MOBP: variants seen among roughly 807,000 people sequenced by gnomAD.
MOBP encodes myelin associated oligodendrocyte basic protein.
Under a neutral mutation model 15.0 loss-of-function variants are expected in MOBP, and 5 were observed. That is an observed-to-expected ratio of 0.33 (90% CI 0.17 to 0.70). The LOEUF (loss-of-function observed/expected upper bound fraction) is 0.70, where lower values mean the gene tolerates loss of function less well. Ranked by LOEUF, MOBP falls within the 30% of genes least tolerant of loss-of-function variation. The pLI is 0.67. For synonymous variants in MOBP, 88 were observed against 99.0 expected, an observed-to-expected ratio of 0.89 and a Z score of 0.66; for missense variants, 188 against 257.8, an observed-to-expected ratio of 0.73 and a Z score of 1.85.
chr3:39,474,354 G>T (rs1314222801), intron 1 of MOBP, among the ~76,000 whole-genome samples: 1 of 152,186 alleles, frequency 6.6e-6, no homozygotes, highest in Non-Finnish European at 1.5e-5. Context: ...ACAGTGATGT[G>T]TTGGTTAACA....
chr3:39,494,304 A>G (rs2042841880), intron 2 of MOBP, among the ~76,000 whole-genome samples: 1 of 152,200 alleles, frequency 6.6e-6, no homozygotes, highest in African/African-American at 2.4e-5. Flanking sequence ...CATATGGAAC[A>G]TACTAGGTGC....
In MOBP at chr3:39,502,002, G is replaced by C; in HGVS notation, c.-4-64G>C. 2.1e-6 allele frequency: 3 copies of C among 1,398,854 alleles called. No homozygotes were observed. The highest frequency in any genetic ancestry group is 1.7e-5 in the Admixed American group (1 of 58,032). The allele number at this position is 1,398,854 out of a possible 1,614,324, so 86.7% of individuals were successfully genotyped here. On this transcript the variant is annotated intron_variant, in intron 2 of 3. Coordinates refer to ENST00000684792, the MANE Select transcript of MOBP (RefSeq NM_001393704.1). This position sits in a 1 kb window ranked among gnomAD's most constrained non-coding sequence, Gnocchi z 6.3. ...GGAGTAGCAGGGGGCTTCCAGAGTA[G>C]AGGGCTCCCTTTCCTGATGTGCGTT...
chr3:39,524,030 A>C (rs1246287768), intron 3 of MOBP, among the ~76,000 whole-genome samples: 3 of 152,220 alleles, frequency 2.0e-5, no homozygotes, highest in African/African-American at 7.2e-5. Flanking sequence ...CTAGATGGAA[A>C]TATGTTTTCT....
chr3:39,479,857 C>T (rs1466183818), intron 1 of MOBP, among the ~76,000 whole-genome samples, 183 bp from the exon 2 acceptor site: 3 of 150,126 alleles, frequency 2.0e-5, no homozygotes, highest in Admixed American at 1.3e-4. Flanking sequence ...AAAGTTTACA[C>T]GTGATTTTGT....
chr3:39,518,959 G>A (rs987064721), downstream of MOBP, among the ~76,000 whole-genome samples: 1 of 152,264 alleles, frequency 6.6e-6, no homozygotes, highest in Admixed American at 6.5e-5. Context: ...AGCCAGGCTG[G>A]CTTCTAGGAC....
At chr3:39,479,044 G>C (rs867859862) in intron 1 of MOBP, among the ~76,000 whole-genome samples, 8 of 152,124 alleles carry the variant, frequency 5.3e-5, no homozygotes, top group Middle Eastern at 3.4e-3. Flanking sequence ...TGGTCAAGCT[G>C]GTCTCGAACT....
At chr3:39,506,429 G>C (rs999313839), downstream of MOBP, among the ~76,000 whole-genome samples, 1 of 152,036 alleles carries the variant, frequency 6.6e-6, no homozygotes, top group Non-Finnish European at 1.5e-5. Context: ...GGGGACACTG[G>C]AGGAATGTGG....
At chr3:39,528,049 T>G (rs1332236287), downstream of MOBP, 1 of 152,208 alleles carries the variant, frequency 6.6e-6, no homozygotes, top group Non-Finnish European at 1.5e-5. Flanking sequence ...TATGGCTTTT[T>G]GTGATTGTTA....
At chr3:39,519,960 T>G (rs951812763), downstream of MOBP, among the ~76,000 whole-genome samples, 3 of 65,838 alleles carry the variant, frequency 4.6e-5, no homozygotes, top group African/African-American at 1.6e-4. Flanking sequence ...ATGACATCTG[T>G]TTTTTTTTTT....
At chr3:39,483,271 G>A (rs2042653718) in intron 2 of MOBP, among the ~76,000 whole-genome samples, 2 of 152,270 alleles carry the variant, frequency 1.3e-5, no homozygotes, top group South Asian at 4.2e-4. Flanking sequence ...TAAAGATGGA[G>A]GCATAGAGAT....
chr3:39,502,042 T>A lies in MOBP; in HGVS notation c.-4-24T>A, dbSNP rs1248391125. 2 of 1,603,794 alleles carry A rather than the reference T, an allele frequency of 1.2e-6. No individual in the cohort carries two copies. Among genetic ancestry groups the A allele is most frequent in the Non-Finnish European group, 1.7e-6 (2 of 1,171,698 alleles). Reference sequence around the variant, plus strand: ...TGATGTGCGTTTATGTCTCCTCCTGTCTCCTTGCATCGGCGATTTCCAGTG... The same window carrying A: ...TGATGTGCGTTTATGTCTCCTCCTGACTCCTTGCATCGGCGATTTCCAGTG... On this transcript the variant is annotated intron_variant, in intron 2 of 3. Transcript: ENST00000684792. This position sits in a 1 kb window ranked among gnomAD's most constrained non-coding sequence, Gnocchi z 6.3.
At chr3:39,489,983 G>T (rs773148266) in intron 2 of MOBP, among the ~76,000 whole-genome samples, 2 of 152,124 alleles carry the variant, frequency 1.3e-5, no homozygotes, top group Non-Finnish European at 1.5e-5. Context: ...TAATATTTCT[G>T]TAGTTAGCTA....
chr3:39,506,518 T>C (rs1178223444), downstream of MOBP, among the ~76,000 whole-genome samples: 2 of 152,206 alleles, frequency 1.3e-5, no homozygotes, highest in African/African-American at 2.4e-5. Flanking sequence ...TCCTGGGACT[T>C]AGTCCTGCCG....
At chr3:39,472,791 T>C (rs960410616) in intron 1 of MOBP, among the ~76,000 whole-genome samples, 1 of 152,158 alleles carries the variant, frequency 6.6e-6, no homozygotes, top group African/African-American at 2.4e-5. Context: ...CCAAGCGTGG[T>C]GGTGCGTGCC....
rs573218088 is a variant in MOBP at position 39,474,889 on chromosome 3, T to G, written c.-88-5151T>G. Among the ~76,000 whole-genome samples the G allele has an allele frequency of 3.3e-5, 5 of 152,348 alleles. No individual in the cohort carries two copies. In the South Asian group the frequency reaches 1.0e-3, roughly 32 times the overall value. ...ATGCAGTGTGCCCTTTACATTGCTT[T>G]CTTTAATGTTAACATCTTACGTAAC... is the stretch of plus-strand genomic sequence containing the variant. On this transcript the variant is annotated intron_variant, in intron 1 of 3. Transcript: ENST00000684792.
intron 2 of MOBP, among the ~76,000 whole-genome samples, chr3:39,485,951 G>A (rs1004690062): frequency 6.6e-6 from 1 of 151,942 alleles, no homozygotes; most frequent in Non-Finnish European, 1.5e-5. Flanking sequence ...TTAAAAAAAT[G>A]TATAGTTTGT....
rs1394926441 is a variant in MOBP at position 39,502,468 on chromosome 3, G to A, written c.207-67G>A. The A allele has an allele frequency of 6.5e-7, 1 of 1,537,020 alleles. No individual in the cohort carries two copies. Among genetic ancestry groups the A allele is most frequent in the Non-Finnish European group, 8.7e-7 (1 of 1,147,842 alleles). On this transcript the variant is annotated intron_variant, in intron 3 of 3. Transcript: ENST00000684792. The surrounding 1 kb of genome is among the most constrained non-coding windows in gnomAD (Gnocchi z 6.3). ...GCCTTCCTACCTGTTTCCAGCTCCT[G>A]CCAGCGTCGCTTAAGCAGCAGAGGA...
At chr3:39,476,344 C>T (rs966444004) in intron 1 of MOBP, among the ~76,000 whole-genome samples, 1 of 152,144 alleles carries the variant, frequency 6.6e-6, no homozygotes, top group Non-Finnish European at 1.5e-5. Flanking sequence ...GTATTTCTTG[C>T]TATTGGGGTG....
intron 2 of MOBP, among the ~76,000 whole-genome samples, chr3:39,482,840 G>T (rs988356888): frequency 6.6e-6 from 1 of 151,664 alleles, no homozygotes; most frequent in Non-Finnish European, 1.5e-5. Context: ...TGTTACAGCC[G>T]CACTGGCCTT....
Sources: gnomAD v4.1 joint callset for allele counts (sites outside exome capture counted in the v4.1 genomes callset) on GRCh38, gnomAD v4.1.1 for gene constraint, Gnocchi (gnomAD v3.1) non-coding constraint, MANE v1.5 for transcripts, NCBI Gene and HGNC (gene_info 2026-07-23, HGNC 2026-07-21) for gene names.